Variants in PIRT observed in about 807,000 individuals in gnomAD.
PIRT encodes the protein phosphoinositide interacting regulator of transient receptor potential channels.
Under a neutral mutation model 7.9 loss-of-function variants are expected in PIRT, and 6 were observed. The observed-to-expected ratio is 0.76, with a 90% CI of 0.42 to 1.51. PIRT has a LOEUF of 1.51. PIRT is among the 40% of genes most tolerant of loss of function. The pLI is 0.01. For synonymous variants in PIRT, 78 were observed against 71.8 expected (o/e 1.09, Z -0.44); for missense variants, 170 against 172.9 (o/e 0.98, Z 0.09).
At chr17:10,834,715 C>A (rs963492536) in intron 1 of PIRT, among the ~76,000 whole-genome samples, 5 of 152,050 alleles carry the variant, frequency 3.3e-5, no homozygotes, top group African/African-American at 1.2e-4. Context: ...CCTCAGCCTC[C>A]CGAGTAGCTG....
chr17:10,836,454 C>T lies in PIRT; in HGVS notation c.-139+1491G>A, dbSNP rs184673736. Among the ~76,000 whole-genome samples, 19 of 151,284 alleles carry T rather than the reference C, an allele frequency of 1.3e-4. No homozygotes were observed. In the East Asian group the frequency reaches 1.5e-3, roughly 12 times the overall value. ...TTACAGTTCAGCCTCAGATCAACAA[C>T]GGATAGTTTTTTTCATGTAAGAATG... On this transcript the variant is annotated intron_variant, in intron 1 of 1. Coordinates refer to ENST00000580256, the MANE Select transcript of PIRT (RefSeq NM_001101387.2).
intron 1 of PIRT, among the ~76,000 whole-genome samples, chr17:10,836,104 T>C (rs1187539011): frequency 2.0e-5 from 3 of 152,192 alleles, no homozygotes; most frequent in East Asian, 1.9e-4. Context: ...GATTTTGCCA[T>C]GTTGGCCAGG....
At chr17:10,826,172 C>T (rs1905309665) in intron 1 of PIRT, among the ~76,000 whole-genome samples, 1 of 152,146 alleles carries the variant, frequency 6.6e-6, no homozygotes, top group Non-Finnish European at 1.5e-5. Context: ...CCATGTTGGC[C>T]AGGCTGGTCT....
intron 1 of PIRT, among the ~76,000 whole-genome samples, chr17:10,828,184 G>T (rs965209686): frequency 1.4e-4 from 21 of 152,290 alleles, no homozygotes; most frequent in Non-Finnish European, 2.6e-4. Flanking sequence ...AGTAAGCTCA[G>T]GCGGTTGCTG....
intron 1 of PIRT, among the ~76,000 whole-genome samples, chr17:10,827,341 C>G (rs1472703850): frequency 6.6e-6 from 1 of 152,282 alleles, no homozygotes; most frequent in East Asian, 1.9e-4. Flanking sequence ...CCATGTGGAG[C>G]AATTTCAGGG....
chr17:10,829,472 G>A (rs73289631), intron 1 of PIRT, among the ~76,000 whole-genome samples: 1,877 of 152,292 alleles, frequency 0.012, 30 homozygotes, highest in African/African-American at 0.042. Context: ...TCTGCAACGC[G>A]GTCGCTAGTT....
chr17:10,835,990 C>T (rs1597589521), intron 1 of PIRT, among the ~76,000 whole-genome samples: 1 of 151,932 alleles, frequency 6.6e-6, no homozygotes, highest in Non-Finnish European at 1.5e-5. Context: ...GCAACCTCCA[C>T]CTCCCAGGTT....
rs1458538103 is a variant in PIRT, at chr17:10,823,242, C to T, written c.*1990G>A. 1 of 152,220 alleles carries T rather than the reference C, an allele frequency of 6.6e-6. No individual in the cohort carries two copies. The highest frequency in any genetic ancestry group is 2.4e-5 in the African/African-American group (1 of 41,444). The allele number at this position is 152,220 out of a possible 1,614,324, so 9.4% of individuals were successfully genotyped here. ...TAACGACATAGCACTTGCAACACTC[C>T]CAAGATTGGTCCTGACCACCTGTGT... On this transcript the variant is annotated 3_prime_UTR_variant, in exon 2 of 2. Transcript: ENST00000580256.
At chr17:10,828,138 A>C (rs1905378451) in intron 1 of PIRT, among the ~76,000 whole-genome samples, 1 of 152,090 alleles carries the variant, frequency 6.6e-6, no homozygotes, top group South Asian at 2.1e-4. Flanking sequence ...TTACACACTT[A>C]TTTATCTTCT....
Position 10,822,586 on chromosome 17 carries a change from A to T in PIRT, c.*2646T>A, listed in dbSNP as rs1408567591. 6.6e-6 allele frequency: 1 copy of T among 152,194 alleles called. No individual in the cohort carries two copies. The highest frequency in any genetic ancestry group is 1.5e-5 in the Non-Finnish European group (1 of 68,036). The allele number at this position is 152,194 out of a possible 1,614,324, so 9.4% of individuals were successfully genotyped here. On this transcript the variant is annotated 3_prime_UTR_variant, in exon 2 of 2. Transcript: ENST00000580256. Reference sequence around the variant, plus strand: ...CATGAGACAATCTAGTGAGCCTAAAACACGGAAGCTGGTTCTGTCCTTTGA... The same window carrying T: ...CATGAGACAATCTAGTGAGCCTAAATCACGGAAGCTGGTTCTGTCCTTTGA...
chr17:10,833,299 G>T (rs1905504980), intron 1 of PIRT, among the ~76,000 whole-genome samples: 1 of 152,098 alleles, frequency 6.6e-6, no homozygotes, highest in Non-Finnish European at 1.5e-5. Context: ...AAAAATCTTT[G>T]TGACCTGGGG....
intron 1 of PIRT, among the ~76,000 whole-genome samples, chr17:10,827,809 T>G (rs1216471921): frequency 6.6e-6 from 1 of 152,096 alleles, no homozygotes; most frequent in Non-Finnish European, 1.5e-5. Context: ...ATCAGAAATG[T>G]GGGTTCAAGG....
intron 1 of PIRT, among the ~76,000 whole-genome samples, chr17:10,827,319 G>GTAGA (rs966176947): frequency 6.6e-6 from 1 of 152,216 alleles, no homozygotes; most frequent in Non-Finnish European, 1.5e-5. Context: ...CTCAGGGGAG[G>GTAGA]TAGATGGTCA....
chr17:10,832,961 T>TG (rs1409371642), intron 1 of PIRT, among the ~76,000 whole-genome samples: 1 of 152,154 alleles, frequency 6.6e-6, no homozygotes, highest in African/African-American at 2.4e-5. Context: ...CTGTATAACT[T>TG]GGGGCCCACT....
chr17:10,825,609 C>G lies in PIRT; in HGVS notation c.37G>C (p.Asp13His). ...METLPKVLEVDEKSPEAKDLL... is the reference protein window; with the variant it reads ...METLPKVLEVHEKSPEAKDLL... The stretch of plus-strand genomic sequence containing the variant: ...TCCTTGGCTTCTGGAGACTTCTCAT[C>G]GACCTCTAGAACCTTGGGGAGAGTC... Residue 13 changes from aspartate (D) to histidine (H), a missense_variant, in exon 2 of 2, where the codon GAT (aspartate) becomes CAT (histidine). Coordinates refer to ENST00000580256, the MANE Select transcript of PIRT (RefSeq NM_001101387.2). The G allele has an allele frequency of 6.5e-7, 1 of 1,536,910 alleles. No homozygotes were observed. The highest frequency in any genetic ancestry group is 8.8e-7 in the Non-Finnish European group (1 of 1,140,206).
At position 10,823,358 on chromosome 17, in the gene PIRT, A is replaced by C. The variant is rs1284867502; in HGVS notation, c.*1874T>G. On this transcript the variant is annotated 3_prime_UTR_variant, in exon 2 of 2. Transcript: ENST00000580256. Reference sequence around the variant, plus strand: ...TCCTGGGTGAGCCTCAACGGCCATGAGTTCCCCAAACTCTGACTCCGTGGG... The same window carrying C: ...TCCTGGGTGAGCCTCAACGGCCATGCGTTCCCCAAACTCTGACTCCGTGGG... 6.6e-6 allele frequency: 1 copy of C among 152,278 alleles called. No homozygotes were observed. The highest frequency in any genetic ancestry group is 1.5e-5 in the Non-Finnish European group (1 of 68,064). The allele number at this position is 152,278 out of a possible 1,614,324, so 9.4% of individuals were successfully genotyped here. A position where few individuals can be genotyped will look rare whatever the true frequency, so the allele number is the denominator to read the frequency against.
intron 1 of PIRT, among the ~76,000 whole-genome samples, chr17:10,837,392 C>G (rs190865836): frequency 6.6e-6 from 1 of 152,214 alleles, no homozygotes; most frequent in Non-Finnish European, 1.5e-5. Context: ...AGGCAGCCAA[C>G]GCACTCCACC....
intron 1 of PIRT, among the ~76,000 whole-genome samples, chr17:10,826,234 G>A (rs968321375): frequency 1.3e-5 from 2 of 152,172 alleles, no homozygotes. Flanking sequence ...AAAGTGCTGG[G>A]ATTACAGGCA....
rs1283574853 is a variant in PIRT, at chr17:10,825,654, A to G, written c.-9T>C. The G allele has an allele frequency of 1.4e-6, 2 of 1,461,104 alleles. No individual in the cohort carries two copies. The highest frequency in any genetic ancestry group is 5.0e-5 in the East Asian group (2 of 40,186). The allele number at this position is 1,461,104 out of a possible 1,614,324, so 90.5% of individuals were successfully genotyped here. A position where few individuals can be genotyped will look rare whatever the true frequency, so the allele number is the denominator to read the frequency against. ...AGAGTCTCCATCGTCATGGTTGCTC[A>G]GGACTGGGCGCCTAGGACCAGCAAT... On this transcript the variant is annotated 5_prime_UTR_variant, in exon 2 of 2. Coordinates refer to ENST00000580256, the MANE Select transcript of PIRT (RefSeq NM_001101387.2).
Sources: allele counts gnomAD v4.1 joint callset (sites outside exome capture counted in the v4.1 genomes callset), GRCh38; gene constraint gnomAD v4.1.1; transcripts MANE v1.5; gene names NCBI Gene and HGNC (gene_info 2026-07-23, HGNC 2026-07-21).